The following TMPRSS15 variants were observed in gnomAD, a reference collection of about 807,000 sequenced individuals.
The protein encoded by TMPRSS15 is transmembrane serine protease 15.
Under a neutral mutation model 125.3 loss-of-function variants are expected in TMPRSS15, and 128 were observed. The observed-to-expected ratio is 1.02, with a 90% confidence interval of 0.89 to 1.18. The LOEUF is 1.18. TMPRSS15 is among the 50% of genes most tolerant of loss of function. The pLI is 0.00. For missense variants in TMPRSS15, 1,283 were observed against 1,212.7 expected (o/e 1.06, Z -0.86); for synonymous variants, 446 against 423.2 (o/e 1.05, Z -0.66).
Position 18,372,320 on chromosome 21 carries a change from A to G in TMPRSS15, c.537T>C (p.Asn179=), listed in dbSNP as rs2075800161. The G allele has an allele frequency of 6.2e-7, 1 of 1,612,652 alleles. No individual in the cohort carries two copies. Among genetic ancestry groups the G allele is most frequent in the Non-Finnish European group, 8.5e-7 (1 of 1,178,974 alleles). ...TTTSHLATPG[N]VSIECLPGSS... ...AACCAGGCAGGCACTCTATTGAGAC[A>G]TTTCCTTTAAAAAATAACTGAAATT... Residue 179 remains asparagine, a synonymous_variant, in exon 6 of 25, where the codon AAT becomes AAC. Transcript: ENST00000284885.
At position 18,425,673 on chromosome 21, in the gene TMPRSS15, A is replaced by G. The variant is rs116890694; in HGVS notation, c.11-27344T>C. Among the ~76,000 whole-genome samples the G allele has an allele frequency of 5.2e-4, 79 of 152,244 alleles. No homozygotes were observed. In the East Asian group the frequency reaches 0.011, roughly 21 times the overall value. On this transcript the variant is annotated intron_variant, in intron 1 of 7. Coordinates refer to the TMPRSS15 transcript ENST00000422787. ...CAATAATTTAATTACCTGTGTAGAAATAAGAACTTATGAAAGCTTCAAATG... is the reference window on the plus strand; with the variant it reads ...CAATAATTTAATTACCTGTGTAGAAGTAAGAACTTATGAAAGCTTCAAATG...
intron 13 of TMPRSS15, among the ~76,000 whole-genome samples, chr21:18,332,569 G>C (rs1258589063): frequency 1.3e-5 from 2 of 152,098 alleles, no homozygotes; most frequent in Non-Finnish European, 2.9e-5. Context: ...AGTCAGAATG[G>C]CTATTAGTAA....
intron 16 of TMPRSS15, among the ~76,000 whole-genome samples, chr21:18,319,846 C>A (rs2075216126): frequency 6.6e-6 from 1 of 152,148 alleles, no homozygotes; most frequent in Non-Finnish European, 1.5e-5. Flanking sequence ...TATCTTACAA[C>A]AATAATTGGA....
intron 3 of TMPRSS15, among the ~76,000 whole-genome samples, chr21:18,393,377 ATGATTATTTAATAGGC>A (rs2076006863): frequency 1.3e-5 from 2 of 152,216 alleles, no homozygotes; most frequent in Admixed American, 6.5e-5. Flanking sequence ...ACTAATAATC[ATGATTATTTAATAGGC>A]TGTTTGTAGG....
At chr21:18,294,741 G>A (rs970974938) in intron 19 of TMPRSS15, 89 bp from the exon 20 acceptor site, 21 of 1,159,418 alleles carry the variant, frequency 1.8e-5, no homozygotes, top group Middle Eastern at 2.7e-4. Flanking sequence ...TTTTGCTTTA[G>A]TAAAATGGAC....
At chr21:18,373,695 G>C (rs926778764) in intron 5 of TMPRSS15, among the ~76,000 whole-genome samples, 1 of 152,128 alleles carries the variant, frequency 6.6e-6, no homozygotes, top group Non-Finnish European at 1.5e-5. Context: ...GATACAGCTA[G>C]GAACATATAT....
intron 1 of TMPRSS15, among the ~76,000 whole-genome samples, chr21:18,440,075 G>T (rs68022780): frequency 7.2e-5 from 11 of 152,078 alleles, no homozygotes; most frequent in Admixed American, 7.2e-4. Flanking sequence ...AACTCACACA[G>T]AAGAAAACTG....
intron 18 of TMPRSS15, among the ~76,000 whole-genome samples, chr21:18,299,202 A>G (rs894555489): frequency 9.9e-5 from 15 of 152,204 alleles, no homozygotes; most frequent in African/African-American, 3.6e-4. Flanking sequence ...TCATTTAAAT[A>G]TTTACATAAA....
rs1280425961 is a variant in TMPRSS15 at position 18,269,612 on chromosome 21, A to G, written c.*357T>C. On this transcript the variant is annotated 3_prime_UTR_variant, in exon 25 of 25. Coordinates refer to ENST00000284885, the MANE Select transcript of TMPRSS15 (RefSeq NM_002772.3). Reference sequence around the variant, plus strand: ...ACAATTTATTTTCTTTCTTTTTTAAATTCTGCTCAAATTTCTTAAGTGTAT... The same window carrying G: ...ACAATTTATTTTCTTTCTTTTTTAAGTTCTGCTCAAATTTCTTAAGTGTAT... 1.3e-5 allele frequency: 2 copies of G among 159,842 alleles called. No individual in the cohort carries two copies. The highest frequency in any genetic ancestry group is 1.4e-5 in the Non-Finnish European group (1 of 73,302). The allele number at this position is 159,842 out of a possible 1,614,324, so 9.9% of individuals were successfully genotyped here.
Position 18,344,037 on chromosome 21 carries a change from C to G in TMPRSS15, c.1195G>C (p.Gly399Arg). 1.2e-6 allele frequency: 2 copies of G among 1,613,828 alleles called. No homozygotes were observed. The stretch of plus-strand genomic sequence containing the variant: ...ACTCGTTCTTGTCTCCCTCCTGGTC[C>G]AGTTGGGGTAGAAATGTAAAATCCT... ...ASGFYISTPT[G>R]PGGRQERVGL... Residue 399 changes from glycine to arginine, a missense_variant, in exon 11 of 25, where the codon GGA (glycine) becomes CGA (arginine). Coordinates refer to ENST00000284885, the MANE Select transcript of TMPRSS15 (RefSeq NM_002772.3).
At chr21:18,315,397 G>T (rs2146941447) in intron 16 of TMPRSS15, 141 bp from the exon 17 acceptor site, 1 of 677,664 alleles carries the variant, frequency 1.5e-6, no homozygotes, top group South Asian at 1.7e-5. Flanking sequence ...CTGAGTAAAT[G>T]AGAGTTAATG....
At chr21:18,406,694 G>C (rs1217475242), upstream of TMPRSS15, among the ~76,000 whole-genome samples, 8 of 152,136 alleles carry the variant, frequency 5.3e-5, no homozygotes, top group African/African-American at 1.9e-4. Context: ...TCGCTTGTCT[G>C]AGTGAAGATT....
intron 13 of TMPRSS15, among the ~76,000 whole-genome samples, chr21:18,340,363 G>C (rs984110738): frequency 2.0e-5 from 3 of 152,082 alleles, no homozygotes; most frequent in African/African-American, 7.2e-5. Context: ...CCTACACCTG[G>C]TTGCCAGAGG....
intron 3 of TMPRSS15, among the ~76,000 whole-genome samples, chr21:18,390,617 G>T (rs2075982676): frequency 1.3e-5 from 2 of 152,160 alleles, no homozygotes; most frequent in Admixed American, 1.3e-4. Context: ...TACTTTAAAT[G>T]TAGATACATG....
intron 1 of TMPRSS15, among the ~76,000 whole-genome samples, chr21:18,409,824 C>CCTTT (rs1459202683): frequency 7.7e-6 from 1 of 129,378 alleles, no homozygotes; most frequent in Non-Finnish European, 1.6e-5. Context: ...CCCCCTTCCC[C>CCTTT]CCTTCACCCC....
At chr21:18,429,636 C>T (rs1326198005) in intron 1 of TMPRSS15, among the ~76,000 whole-genome samples, 1 of 152,184 alleles carries the variant, frequency 6.6e-6, no homozygotes, top group Non-Finnish European at 1.5e-5. Flanking sequence ...AAGTGCCTTT[C>T]AACTTCTGCC....
intron 1 of TMPRSS15, among the ~76,000 whole-genome samples, chr21:18,424,713 A>T (rs2076198908): frequency 6.6e-6 from 1 of 152,156 alleles, no homozygotes. Flanking sequence ...TTTGTAAAAA[A>T]GTTATGAGCC....
chr21:18,318,503 A>G (rs2075197665), intron 16 of TMPRSS15, among the ~76,000 whole-genome samples: 1 of 152,224 alleles, frequency 6.6e-6, no homozygotes. Context: ...ACTAAAACAA[A>G]GACAATATTT....
chr21:18,342,449 C>T (rs2075457849), intron 12 of TMPRSS15, among the ~76,000 whole-genome samples: 1 of 152,168 alleles, frequency 6.6e-6, no homozygotes, highest in South Asian at 2.1e-4. Flanking sequence ...CATGATTTCA[C>T]AACAAAATGG....
Sources: allele counts gnomAD v4.1 joint callset (sites outside exome capture counted in the v4.1 genomes callset), GRCh38; gene constraint gnomAD v4.1.1; transcripts MANE v1.5; gene names NCBI Gene and HGNC (gene_info 2026-07-23, HGNC 2026-07-21).